Variants in ABHD10 observed in about 807,000 individuals in gnomAD.
The protein encoded by ABHD10 is abhydrolase domain containing 10, depalmitoylase.
Under a neutral mutation model 33.1 loss-of-function variants are expected in ABHD10, and 22 were observed. That is an observed-to-expected ratio of 0.66 (90% CI 0.47 to 0.95). ABHD10 has a LOEUF of 0.95. Among genes scored for constraint, ABHD10 ranks in the 40% least tolerant of loss-of-function variants. ABHD10 has a pLI of 0.00. For missense variants in ABHD10, 352 were observed against 379.9 expected, an observed-to-expected ratio of 0.93 and a Z score of 0.61; for synonymous variants, 146 against 133.9, an observed-to-expected ratio of 1.09 and a Z score of -0.62.
intron 4 of ABHD10, among the ~76,000 whole-genome samples, chr3:111,987,465 G>A (rs1276870800): frequency 6.6e-6 from 1 of 152,092 alleles, no homozygotes; most frequent in Admixed American, 6.5e-5. Context: ...CTAATGAACT[G>A]AAACTGCAGT....
chr3:111,989,160 C>G (rs913479293), intron 4 of ABHD10, among the ~76,000 whole-genome samples: 3 of 152,162 alleles, frequency 2.0e-5, no homozygotes, highest in African/African-American at 7.2e-5. Flanking sequence ...GAGATTTTTA[C>G]TATCTTTTAT....
chr3:111,979,755 T>C (rs964737249), intron 1 of ABHD10, among the ~76,000 whole-genome samples: 2 of 152,112 alleles, frequency 1.3e-5, no homozygotes, highest in African/African-American at 4.8e-5. Context: ...AGAGAACCTC[T>C]TATATGTATA....
At chr3:111,982,793 C>T in intron 2 of ABHD10, among the ~76,000 whole-genome samples, 1 of 152,142 alleles carries the variant, frequency 6.6e-6, no homozygotes, top group East Asian at 1.9e-4. Flanking sequence ...GACTCACAAA[C>T]ATTCATTCAA....
rs901332883 is a variant in ABHD10 at position 111,991,261 on chromosome 3, T to C, written c.577-116T>C. On this transcript the variant is annotated intron_variant, in intron 4 of 4. Transcript: ENST00000273359. ...TTGATAATTATTATTGTTATACTTT[T>C]GTTATCTCTATCCTCTTATTCAAGA... 4 of 791,890 alleles carry C rather than the reference T, an allele frequency of 5.1e-6. No homozygotes were observed. In the Admixed American group the frequency reaches 9.3e-5, roughly 18 times the overall value. The allele number at this position is 791,890 out of a possible 1,614,324, so 49.1% of individuals were successfully genotyped here.
Position 111,991,524 on chromosome 3 carries a change from A to T in ABHD10, c.724A>T (p.Arg242Ter). The T allele has an allele frequency of 6.2e-7, 1 of 1,614,124 alleles. No homozygotes were observed. Among genetic ancestry groups the T allele is most frequent in the South Asian group, 1.1e-5 (1 of 91,078 alleles). The change falls in exon 5 of 5, where the codon AGA becomes TGA. Residue 242 changes from arginine (R) to a stop codon, truncating the protein, a stop_gained. Transcript: ENST00000273359. LOFTEE classifies it high-confidence loss of function. Reference sequence around the variant, plus strand: ...CCCAATTCCTGTGAACTGCCCCATAAGATTGCTCCATGGCATGAAGGATGA... The same window carrying T: ...CCCAATTCCTGTGAACTGCCCCATATGATTGCTCCATGGCATGAAGGATGA... ...HSPIPVNCPI[R>*]LLHGMKDDIV...
intron 1 of ABHD10, among the ~76,000 whole-genome samples, chr3:111,981,289 G>T (rs2072580676): frequency 7.5e-6 from 1 of 134,104 alleles, no homozygotes; most frequent in African/African-American, 2.8e-5. Context: ...TCTAGCCTGA[G>T]TGACAAGGTG....
At chr3:111,987,659 AC>A (rs1357044006) in intron 4 of ABHD10, among the ~76,000 whole-genome samples, 4 of 152,212 alleles carry the variant, frequency 2.6e-5, no homozygotes, top group African/African-American at 9.6e-5. Context: ...TTGTTGCTAT[AC>A]TGTATCGTTT....
At position 111,986,924 on chromosome 3, in the gene ABHD10, G is replaced by A. The variant is rs1577250692; in HGVS notation, c.449G>A (p.Gly150Glu). 1 of 1,595,250 alleles carries A rather than the reference G, an allele frequency of 6.3e-7. No homozygotes were observed. Among genetic ancestry groups the A allele is most frequent in the African/African-American group, 1.4e-5 (1 of 73,668 alleles). Residue 150 changes from glycine to glutamate, a missense_variant, in exon 4 of 5, where the codon GGA becomes GAA. Coordinates refer to ENST00000273359, the MANE Select transcript of ABHD10 (RefSeq NM_018394.4). ...DLADGPQILV[G>E]SSLGGWLMLH... The stretch of plus-strand genomic sequence containing the variant: ...TTATTTTATTTTTAGATTCTTGTTG[G>A]ATCTAGCCTTGGAGGGTGGCTTATG...
At chr3:111,988,819 G>T (rs568745982) in intron 4 of ABHD10, among the ~76,000 whole-genome samples, 1 of 152,056 alleles carries the variant, frequency 6.6e-6, no homozygotes, top group Non-Finnish European at 1.5e-5. Context: ...TGAACTCCTA[G>T]GCTCAAGAGA....
rs748402319 is a variant in ABHD10, at chr3:111,979,026, A to T, written c.-36A>T. 1 of 1,592,970 alleles carries T rather than the reference A, an allele frequency of 6.3e-7. No homozygotes were observed. Among genetic ancestry groups the T allele is most frequent in the Non-Finnish European group, 8.6e-7 (1 of 1,166,630 alleles). ...GGTTCCGTTGCGTAGCGTGTCCCTC[A>T]GTGGGACACTGCAGGGTGCGGGGAC... is the stretch of plus-strand genomic sequence containing the variant. On this transcript the variant is annotated 5_prime_UTR_variant, in exon 1 of 5. Transcript: ENST00000273359.
In ABHD10 at chr3:111,986,327, G is replaced by A; in HGVS notation, c.390G>A (p.Trp130Ter). Residue 130 changes from tryptophan (W) to a stop codon, truncating the protein, a stop_gained, in exon 3 of 5, where the codon TGG becomes TGA. Coordinates refer to ENST00000273359, the MANE Select transcript of ABHD10 (RefSeq NM_018394.4). LOFTEE classifies it high-confidence loss of function. ...CAGAGGAAAGCACACTGGGGAAATG[G>A]AGAAAAGATGTTCTTTCTATAATTG... is the stretch of plus-strand genomic sequence containing the variant. ...GNSEESTLGKWRKDVLSIIDD... is the reference protein window; with the variant it reads ...GNSEESTLGK The A allele has an allele frequency of 6.2e-7, 1 of 1,614,062 alleles. No individual in the cohort carries two copies. The highest frequency in any genetic ancestry group is 1.1e-5 in the South Asian group (1 of 91,076).
chr3:111,991,292 T>G (rs568521211), intron 4 of ABHD10, 85 bp from the exon 5 acceptor site: 3 of 1,145,538 alleles, frequency 2.6e-6, no homozygotes, highest in East Asian at 5.1e-5. Context: ...CAAGAACTGC[T>G]TTCATTAGAT....
chr3:111,982,515 A>G (rs2072598638), intron 2 of ABHD10, among the ~76,000 whole-genome samples: 1 of 152,164 alleles, frequency 6.6e-6, no homozygotes, highest in African/African-American at 2.4e-5. Context: ...ACTTTATGTT[A>G]TTATAAGGTC....
chr3:111,981,754 C>A, intron 1 of ABHD10, 30 bp from the exon 2 acceptor site: 4 of 1,478,088 alleles, frequency 2.7e-6, no homozygotes, highest in South Asian at 3.0e-5. Context: ...GTTTACAAAC[C>A]ATAGTTTACT....
chr3:111,979,209 T>C lies in ABHD10; in HGVS notation c.142+6T>C. On this transcript the variant is annotated splice_donor_region_variant and intron_variant, in intron 1 of 4. Transcript: ENST00000273359. ...GGCGCCACGGTGGCTCCCAGGTCAG[T>C]GTCCGAAAGGCGGGAGTAGGATGCG... The C allele has an allele frequency of 1.9e-6, 3 of 1,593,968 alleles. No homozygotes were observed. Among genetic ancestry groups the C allele is most frequent in the South Asian group, 2.2e-5 (2 of 90,074 alleles).
At chr3:111,987,091 C>G (rs80012895) in intron 4 of ABHD10, 40 bp downstream of exon 4, 9 of 1,592,716 alleles carry the variant, frequency 5.7e-6, no homozygotes, top group East Asian at 2.3e-5. Context: ...ATATATTTAC[C>G]GCTTATACTT....
intron 4 of ABHD10, among the ~76,000 whole-genome samples, chr3:111,988,274 A>G (rs979015882): frequency 6.6e-6 from 1 of 151,756 alleles, no homozygotes; most frequent in African/African-American, 2.4e-5. Flanking sequence ...TTCTCATATT[A>G]TTTCCTATCA....
chr3:111,990,037 A>C (rs991845371), intron 4 of ABHD10, among the ~76,000 whole-genome samples: 1 of 152,010 alleles, frequency 6.6e-6, no homozygotes, highest in Non-Finnish European at 1.5e-5. Context: ...TTTTGATAAG[A>C]TGTCCATTCC....
At chr3:111,982,055 C>T in intron 2 of ABHD10, 88 bp downstream of exon 2, 2 of 1,034,884 alleles carry the variant, frequency 1.9e-6, no homozygotes, top group Non-Finnish European at 2.6e-6. Flanking sequence ...GAAGTAAATG[C>T]CAGCATTTTT....
Sources: allele counts gnomAD v4.1 joint callset (sites outside exome capture counted in the v4.1 genomes callset), GRCh38; gene constraint gnomAD v4.1.1; transcripts MANE v1.5; gene names NCBI Gene and HGNC (gene_info 2026-07-23, HGNC 2026-07-21).